Variants in ARHGEF7 observed in about 807,000 individuals in gnomAD.
The protein encoded by ARHGEF7 is PAK-interacting exchange factor beta.
In ARHGEF7, 33 loss-of-function variants were observed where a neutral mutation model predicts 109.8. That is an observed-to-expected ratio of 0.30 (90% CI 0.23 to 0.40). The LOEUF is 0.40. Ranked by LOEUF, ARHGEF7 falls within the 10% of genes least tolerant of loss-of-function variation. The pLI is 1.00. For missense variants in ARHGEF7, 938 were observed against 1,098.5 expected, an observed-to-expected ratio of 0.85 and a Z score of 2.07; for synonymous variants, 458 against 424.6, an observed-to-expected ratio of 1.08 and a Z score of -0.97.
chr13:111,301,624 G>A (rs2093570152), intron 21 of ARHGEF7, 92 bp downstream of exon 21: 1 of 1,060,828 alleles, frequency 9.4e-7, no homozygotes, highest in Non-Finnish European at 1.4e-6. Flanking sequence ...TGGGTACGGT[G>A]GCTCACACCT....
chr13:111,144,497 A>G (rs1041815588), intron 1 of ARHGEF7: 1 of 152,172 alleles, frequency 6.6e-6, no homozygotes, highest in Non-Finnish European at 1.5e-5. Flanking sequence ...ACTGACCTAC[A>G]TTTTCACTCC....
chr13:111,182,969 G>C (rs1013610356), intron 2 of ARHGEF7, among the ~76,000 whole-genome samples: 2 of 152,180 alleles, frequency 1.3e-5, no homozygotes, highest in African/African-American at 4.8e-5. Context: ...GCTAATATGA[G>C]TGTTCTGAGC....
intron 12 of ARHGEF7, among the ~76,000 whole-genome samples, chr13:111,277,145 C>T (rs1230366981): frequency 1.3e-5 from 2 of 152,132 alleles, no homozygotes; most frequent in East Asian, 1.9e-4. Context: ...ACCTGTTCCC[C>T]CTGACCCCAT....
chr13:111,294,326 C>A (rs1276139817), intron 19 of ARHGEF7: 1 of 985,472 alleles, frequency 1.0e-6, no homozygotes, highest in East Asian at 1.1e-4. Flanking sequence ...GCTGCCTTTG[C>A]CTTCTCGTAG....
At chr13:111,183,048 C>A (rs1203119559) in intron 2 of ARHGEF7, among the ~76,000 whole-genome samples, 1 of 152,210 alleles carries the variant, frequency 6.6e-6, no homozygotes, top group Non-Finnish European at 1.5e-5. Context: ...TTTTCAACTT[C>A]ACGATGTTTT....
At chr13:111,122,668 G>C (rs1035634580) in intron 1 of ARHGEF7, 1 of 152,228 alleles carries the variant, frequency 6.6e-6, no homozygotes, top group African/African-American at 2.4e-5. Context: ...TATTGTGTGC[G>C]TGCTAGTGAC....
Position 111,193,859 on chromosome 13 carries a change from C to T in ARHGEF7, c.253-11430C>T, listed in dbSNP as rs541978897. Among the ~76,000 whole-genome samples the T allele has an allele frequency of 7.9e-5, 12 of 152,280 alleles. No individual in the cohort carries two copies. In the South Asian group the frequency reaches 1.5e-3, roughly 18 times the overall value. On this transcript the variant is annotated intron_variant, in intron 2 of 21. Transcript: ENST00000646102. ...ACTATAATTTGTTGGCAGTCATGCT[C>T]GATTGGTTCGCCATCCTCTGGGAGA...
Position 111,288,376 on chromosome 13 carries a change from T to C in ARHGEF7, c.2067T>C (p.Asp689=). The C allele has an allele frequency of 6.2e-7, 1 of 1,613,488 alleles. No individual in the cohort carries two copies. The highest frequency in any genetic ancestry group is 8.5e-7 in the Non-Finnish European group (1 of 1,179,480). ...CAGGCACAGCTGCTTTGGAAGAAGA[T>C]GCTCAGATTCTGAAAGTCATTGAAG... ...SRKSTAALEE[D]AQILKVIEAY... The change falls in exon 18 of 22, where the codon GAT becomes GAC. Residue 689 remains aspartate, a synonymous_variant. Coordinates refer to ENST00000646102, the MANE Select transcript of ARHGEF7 (RefSeq NM_001354046.2).
chr13:111,289,586 C>T (rs891048819), intron 18 of ARHGEF7, among the ~76,000 whole-genome samples: 4 of 152,050 alleles, frequency 2.6e-5, no homozygotes, highest in African/African-American at 4.8e-5. Context: ...CTTTCCAGCT[C>T]GACTGTCACT....
intron 8 of ARHGEF7, among the ~76,000 whole-genome samples, chr13:111,262,546 C>T (rs987640649): frequency 1.3e-5 from 2 of 152,146 alleles, no homozygotes; most frequent in African/African-American, 4.8e-5. Context: ...TATGGAGGTT[C>T]CCCCAGCACA....
chr13:111,274,810 G>GT lies in ARHGEF7; in HGVS notation c.1272+24dup. On this transcript the variant is annotated intron_variant, in intron 11 of 21. Transcript: ENST00000646102. ...CTTTCAGTAAGTGATTAAGCATATT[G>GT]TTTTCCCCCCCAGACATTATTGTGA... 7.1e-7 allele frequency: 1 copy of GT among 1,399,724 alleles called. No homozygotes were observed. Among genetic ancestry groups the GT allele is most frequent in the Non-Finnish European group, 9.5e-7 (1 of 1,055,458 alleles). 86.7% of individuals were successfully genotyped at this position (1,399,724 alleles called of 1,614,324 possible). A position where few individuals can be genotyped will look rare whatever the true frequency, so the allele number is the denominator to read the frequency against.
At chr13:111,279,336 C>T (rs1458062340) in intron 13 of ARHGEF7, among the ~76,000 whole-genome samples, 1 of 152,230 alleles carries the variant, frequency 6.6e-6, no homozygotes, top group Non-Finnish European at 1.5e-5. Flanking sequence ...CTGGGGGTCT[C>T]GGTGAGACTG....
intron 16 of ARHGEF7, 134 bp downstream of exon 16, chr13:111,283,497 G>A: frequency 1.4e-6 from 2 of 1,394,900 alleles, no homozygotes; most frequent in East Asian, 2.5e-5. Context: ...GGGGGGGTCT[G>A]CCTTGGTTCT....
chr13:111,160,719 A>T (rs1482363536), intron 2 of ARHGEF7, among the ~76,000 whole-genome samples: 1 of 151,924 alleles, frequency 6.6e-6, no homozygotes, highest in Admixed American at 6.6e-5. Flanking sequence ...CATGGGGGTG[A>T]TTTCCCCCAT....
intron 8 of ARHGEF7, among the ~76,000 whole-genome samples, chr13:111,264,593 C>T (rs1309980225): frequency 7.2e-5 from 11 of 152,138 alleles, no homozygotes; most frequent in Admixed American, 7.2e-4. Flanking sequence ...AACTGTTGTG[C>T]TTCTGTGAGC....
intron 2 of ARHGEF7, among the ~76,000 whole-genome samples, chr13:111,180,470 G>A (rs371222481): frequency 2.0e-5 from 3 of 152,328 alleles, no homozygotes; most frequent in African/African-American, 7.2e-5. Context: ...AGGTAGAAAT[G>A]TAAGATTCTT....
intron 18 of ARHGEF7, among the ~76,000 whole-genome samples, chr13:111,291,816 TAAATG>T (rs1201696923): frequency 6.6e-6 from 1 of 152,248 alleles, no homozygotes; most frequent in Admixed American, 6.5e-5. Context: ...AAAGATTTCT[TAAATG>T]AGGGCTTTAG....
intron 2 of ARHGEF7, among the ~76,000 whole-genome samples, chr13:111,189,343 G>T (rs1566756784): frequency 6.6e-6 from 1 of 152,168 alleles, no homozygotes; most frequent in Non-Finnish European, 1.5e-5. Context: ...CAGATGTTCA[G>T]ATGTGTCAGA....
In ARHGEF7 at chr13:111,174,863, A is replaced by G. The variant is rs79714335; in HGVS notation, c.252+20872A>G. 4.9e-3 allele frequency among the ~76,000 whole-genome samples: 750 copies of G among 152,326 alleles called. 6 individuals are homozygous for G. Among genetic ancestry groups the G allele is most frequent in the African/African-American group, 0.017 (717 of 41,564 alleles). ...TAACTCAGCTAGGCGTGCGAGGACT[A>G]GAAGTTGCTGACAGTCCTCGGGTTG... On this transcript the variant is annotated intron_variant, in intron 2 of 21. Coordinates refer to ENST00000646102, the MANE Select transcript of ARHGEF7 (RefSeq NM_001354046.2).
Sources: allele counts gnomAD v4.1 joint callset (sites outside exome capture counted in the v4.1 genomes callset), GRCh38; gene constraint gnomAD v4.1.1; transcripts MANE v1.5; gene names NCBI Gene and HGNC (gene_info 2026-07-23, HGNC 2026-07-21).